CD163L1: variants seen among roughly 807,000 people sequenced by gnomAD.
CD163L1 encodes scavenger receptor cysteine-rich type 1 protein M160.
Under a neutral mutation model 165.4 loss-of-function variants are expected in CD163L1, and 124 were observed. The ratio of observed to expected loss-of-function variants is 0.75; its 90% confidence interval spans 0.65 to 0.87. The LOEUF (loss-of-function observed/expected upper bound fraction) is 0.87. Ranked by LOEUF, CD163L1 falls within the 40% of genes least tolerant of loss-of-function variation. The probability of loss-of-function intolerance (pLI) is 0.00; values close to 1 mark genes in which losing one functional copy is unlikely to be tolerated. For missense variants in CD163L1, 1,525 were observed against 1,799.9 expected (o/e 0.85, Z 2.76); for synonymous variants, 585 against 662.2 (o/e 0.88, Z 1.79).
chr12:7,402,378 T>C (rs181165604), intron 6 of CD163L1, among the ~76,000 whole-genome samples: 240 of 152,258 alleles, frequency 1.6e-3, no homozygotes, highest in African/African-American at 3.6e-3. Context: ...TTTGTGTGTG[T>C]GTGTGTGTTT....
At chr12:7,439,602 G>A in intron 2 of CD163L1, 2 of 1,591,222 alleles carry the variant, frequency 1.3e-6, no homozygotes, top group Non-Finnish European at 1.7e-6. Context: ...CAAATATGTC[G>A]TTATTTAAGG....
At chr12:7,373,997 T>A (rs905262705) in intron 13 of CD163L1, among the ~76,000 whole-genome samples, 6 of 152,212 alleles carry the variant, frequency 3.9e-5, no homozygotes, top group South Asian at 2.1e-4. Flanking sequence ...GGTTCTTAGT[T>A]TCTGCTTCTG....
intron 8 of CD163L1, among the ~76,000 whole-genome samples, chr12:7,394,210 G>A (rs560034212): frequency 3.3e-5 from 5 of 152,100 alleles, no homozygotes; most frequent in Non-Finnish European, 7.4e-5. Context: ...CAAGGCTATA[G>A]TAACCAAAAC....
At chr12:7,383,729 C>G (rs1390418395) in intron 8 of CD163L1, among the ~76,000 whole-genome samples, 1 of 152,202 alleles carries the variant, frequency 6.6e-6, no homozygotes, top group African/African-American at 2.4e-5. Flanking sequence ...CTGAAGAAAT[C>G]ATGGAGATTA....
At chr12:7,392,185 C>T (rs1002693808) in intron 8 of CD163L1, among the ~76,000 whole-genome samples, 1 of 152,190 alleles carries the variant, frequency 6.6e-6, no homozygotes, top group Non-Finnish European at 1.5e-5. Context: ...TAAAGCACTC[C>T]TCAGCAAATG....
chr12:7,435,048 T>C (rs1419686704), intron 2 of CD163L1, among the ~76,000 whole-genome samples: 2 of 152,150 alleles, frequency 1.3e-5, no homozygotes, highest in Non-Finnish European at 2.9e-5. Flanking sequence ...TCATATCATA[T>C]AACTCTTAAG....
chr12:7,379,162 C>A lies in CD163L1; in HGVS notation c.2187G>T (p.Arg729Ser). ...TGATTGCAGACCCACATTCAAGTTG[C>A]CTGCAAACAACTTCAGCAATGTTCA... The part of the protein sequence containing the change: ...WGMNIAEVVC[R>S]QLECGSAIRV... Residue 729 changes from arginine to serine, a missense_variant, in exon 9 of 20, where the codon AGG (arginine) becomes AGT (serine). Physicochemically the swap from Arg to Ser is moderately radical, Grantham distance 110. Transcript: ENST00000313599. 1.2e-6 allele frequency: 2 copies of A among 1,614,118 alleles called. No homozygotes were observed. The highest frequency in any genetic ancestry group is 1.7e-6 in the Non-Finnish European group (2 of 1,180,010).
rs911558810 is a variant in CD163L1 at position 7,403,200 on chromosome 12, A to T, written c.1408+335T>A. Among the ~76,000 whole-genome samples the T allele has an allele frequency of 5.7e-5, 3 of 52,198 alleles. No homozygotes were observed. In the Admixed American group the frequency reaches 8.9e-4, roughly 16 times the overall value. 34.2% of individuals were successfully genotyped at this position (52,198 alleles called of 152,430 possible). A position where few individuals can be genotyped will look rare whatever the true frequency, so the allele number is the denominator to read the frequency against. On this transcript the variant is annotated intron_variant, in intron 6 of 19. Transcript: ENST00000313599. The stretch of plus-strand genomic sequence containing the variant: ...AATAAACAATGTATATTATTAAATA[A>T]AAAAAGTTAAAAAGCAGCAGAAAAG...
chr12:7,397,997 C>T (rs1947814858), intron 7 of CD163L1, among the ~76,000 whole-genome samples: 1 of 152,112 alleles, frequency 6.6e-6, no homozygotes, highest in Admixed American at 6.6e-5. Flanking sequence ...GTGGCCTACA[C>T]TTAATGAAGT....
At chr12:7,412,110 C>T (rs774353859) in intron 4 of CD163L1, among the ~76,000 whole-genome samples, 7 of 152,308 alleles carry the variant, frequency 4.6e-5, no homozygotes, top group Non-Finnish European at 8.8e-5. Flanking sequence ...CATTTATCTA[C>T]TTATTTCTAT....
intron 4 of CD163L1, among the ~76,000 whole-genome samples, chr12:7,426,208 A>T (rs1396638120): frequency 6.6e-6 from 1 of 152,054 alleles, no homozygotes; most frequent in African/African-American, 2.4e-5. Flanking sequence ...ATCAAACACC[A>T]CATGTTCTCA....
chr12:7,423,034 C>T (rs1392247631), intron 4 of CD163L1, among the ~76,000 whole-genome samples: 1 of 152,058 alleles, frequency 6.6e-6, no homozygotes, highest in Non-Finnish European at 1.5e-5. Flanking sequence ...ACATTTTTCT[C>T]AGCACCACAT....
intron 8 of CD163L1, among the ~76,000 whole-genome samples, chr12:7,380,274 GGTGTGTGTGTGTGT>G (rs56789470): frequency 3.4e-5 from 5 of 146,862 alleles, no homozygotes; most frequent in African/African-American, 7.6e-5. Context: ...AAGAAACTGT[GGTGTGTGTGTGTGT>G]GTGTGTGTGT....
chr12:7,333,566 T>C, the CD163L1 span, among the ~76,000 whole-genome samples: 1 of 151,876 alleles, frequency 6.6e-6, no homozygotes, highest in South Asian at 2.1e-4. Flanking sequence ...CACCCTAACA[T>C]GACAATTAAA....
At chr12:7,422,548 G>C (rs976318536) in intron 4 of CD163L1, among the ~76,000 whole-genome samples, 6 of 151,130 alleles carry the variant, frequency 4.0e-5, no homozygotes, top group Admixed American at 1.3e-4. Flanking sequence ...CTTGAAAAAA[G>C]GTTAAAGAAC....
rs201596218 is a variant in CD163L1, at chr12:7,421,627, A to ATG, written c.766+10788_766+10789insCA. On this transcript the variant is annotated intron_variant, in intron 4 of 19. Coordinates refer to ENST00000313599, the MANE Select transcript of CD163L1 (RefSeq NM_174941.6). ...TACACATATACATATATGTACATAT[A>ATG]TACATATATGTACACATATACATAT... is the stretch of plus-strand genomic sequence containing the variant. Among the ~76,000 whole-genome samples, 1,116 of 107,126 alleles carry ATG rather than the reference A, an allele frequency of 0.01. 53 individuals are homozygous for ATG. In the East Asian group the frequency reaches 0.12, roughly 12 times the overall value. The allele number at this position is 107,126 out of a possible 152,430, so 70.3% of individuals were successfully genotyped here.
intron 6 of CD163L1, among the ~76,000 whole-genome samples, chr12:7,402,410 T>C (rs768108895): frequency 6.6e-6 from 1 of 152,022 alleles, no homozygotes; most frequent in Non-Finnish European, 1.5e-5. Context: ...ACATCATTCT[T>C]CATTTATCCT....
At chr12:7,393,894 C>G (rs1391497080) in intron 8 of CD163L1, among the ~76,000 whole-genome samples, 3 of 152,072 alleles carry the variant, frequency 2.0e-5, no homozygotes, top group Non-Finnish European at 4.4e-5. Context: ...AGGAGAACTA[C>G]AAACCACTGC....
intron 1 of CD163L1, 147 bp downstream of exon 1, chr12:7,443,950 C>A: frequency 1.4e-6 from 1 of 716,452 alleles, no homozygotes. Flanking sequence ...CTCTAAGTTC[C>A]ACAAAACTTT....
Sources: gnomAD v4.1 joint callset for allele counts (sites outside exome capture counted in the v4.1 genomes callset) on GRCh38, gnomAD v4.1.1 for gene constraint, MANE v1.5 for transcripts, NCBI Gene and HGNC (gene_info 2026-07-23, HGNC 2026-07-21) for gene names.